NAV1: variants seen among roughly 807,000 people sequenced by gnomAD.
NAV1 encodes neuron navigator 1.
NAV1 carries 18 observed loss-of-function variants against 175.2 expected under a neutral mutation model. That is an observed-to-expected ratio of 0.10 (90% CI 0.07 to 0.15). NAV1 has a LOEUF of 0.15. Among genes scored for constraint, NAV1 ranks in the 10% least tolerant of loss-of-function variants. The pLI, the probability that NAV1 is intolerant of heterozygous loss-of-function variation, is 1.00. For missense variants in NAV1, 1,731 were observed against 2,436.6 expected (o/e 0.71, Z 6.10); for synonymous variants, 897 against 978.7 (o/e 0.92, Z 1.56).
chr1:201,790,272 G>A (rs565263079), intron 11 of NAV1, among the ~76,000 whole-genome samples: 9 of 152,318 alleles, frequency 5.9e-5, no homozygotes, highest in Admixed American at 3.3e-4. Context: ...GGCAATAACC[G>A]TTAGTTCTCA....
At chr1:201,642,865 A>G (rs139959509) in intron 2 of NAV1, among the ~76,000 whole-genome samples, 4,583 of 148,886 alleles carry the variant, frequency 0.031, 224 homozygotes, top group African/African-American at 0.11. Context: ...CACCTCCCGG[A>G]TTCACGCCAT....
At chr1:201,739,882 G>C (rs1352657350) in intron 3 of NAV1, 3 of 1,284,830 alleles carry the variant, frequency 2.3e-6, no homozygotes, top group African/African-American at 1.5e-5. Context: ...AAAAGGGAGC[G>C]GAGGGCAGGC....
At chr1:201,572,174 G>A (rs570915154) in intron 1 of NAV1, among the ~76,000 whole-genome samples, 22 of 152,176 alleles carry the variant, frequency 1.4e-4, no homozygotes, top group Non-Finnish European at 2.1e-4. Context: ...ACTGGGCAGC[G>A]GGGTTTTTGG....
rs768317305 is a variant in NAV1 at position 201,808,889 on chromosome 1, G to A, written c.4207+18G>A. ...AGACACAGGTACCTGTGTGGGAGAAGAATCTATAAGGGTGAAGGGAAGAAA... is the reference window on the plus strand; with the variant it reads ...AGACACAGGTACCTGTGTGGGAGAAAAATCTATAAGGGTGAAGGGAAGAAA... On this transcript the variant is annotated intron_variant, in intron 20 of 29. Transcript: ENST00000367296. This position sits in a 1 kb window ranked among gnomAD's most constrained non-coding sequence, Gnocchi z 5.5. 1 of 1,604,654 alleles carries A rather than the reference G, an allele frequency of 6.2e-7. No individual in the cohort carries two copies. Among genetic ancestry groups the A allele is most frequent in the Non-Finnish European group, 8.5e-7 (1 of 1,174,720 alleles).
chr1:201,681,635 C>T (rs987745237), intron 1 of NAV1, among the ~76,000 whole-genome samples: 5 of 152,322 alleles, frequency 3.3e-5, no homozygotes, highest in African/African-American at 1.2e-4. Flanking sequence ...CTGGAAACAC[C>T]TACTTCCTCC....
At chr1:201,633,498 C>T (rs1030040838) in intron 2 of NAV1, among the ~76,000 whole-genome samples, 6 of 152,172 alleles carry the variant, frequency 3.9e-5, no homozygotes, top group African/African-American at 9.7e-5. Context: ...TCCCAACTGC[C>T]GCCAGTACTC....
chr1:201,823,974 C>CAAAAATTACCTAAATAGAA (rs1317730160), exon 30 of NAV1: 133 of 152,306 alleles, frequency 8.7e-4, no homozygotes, highest in African/African-American at 3.0e-3. Context: ...AGAAACCCTG[C>CAAAAATTACCTAAATAGAA]ATTTAGGTAA....
At chr1:201,658,684 T>C (rs1170411203) in intron 1 of NAV1, among the ~76,000 whole-genome samples, 1 of 152,150 alleles carries the variant, frequency 6.6e-6, no homozygotes, top group Non-Finnish European at 1.5e-5. Context: ...CCAATCAAAG[T>C]TCGTCCCCAA....
intron 1 of NAV1, among the ~76,000 whole-genome samples, chr1:201,658,952 G>A (rs554379528): frequency 6.6e-6 from 1 of 152,332 alleles, no homozygotes; most frequent in South Asian, 2.1e-4. Context: ...ATCTTCCTCT[G>A]TTCCTTTGGT....
chr1:201,540,738 G>C (rs559150440), intron 1 of NAV1, among the ~76,000 whole-genome samples: 41 of 152,346 alleles, frequency 2.7e-4, no homozygotes, highest in African/African-American at 9.9e-4. Flanking sequence ...CTTCCTAGTA[G>C]TATGTGCTTT....
At chr1:201,568,220 A>T (rs1406955603) in intron 1 of NAV1, among the ~76,000 whole-genome samples, 1 of 152,152 alleles carries the variant, frequency 6.6e-6, no homozygotes, top group Non-Finnish European at 1.5e-5. Context: ...GCATCAGAGC[A>T]AGCCCCTTGC....
chr1:201,559,757 G>A (rs938209759), intron 1 of NAV1, among the ~76,000 whole-genome samples: 30 of 152,342 alleles, frequency 2.0e-4, no homozygotes, highest in Admixed American at 1.4e-3. Flanking sequence ...AGGCGGTGTA[G>A]AGGGATTCTG....
intron 3 of NAV1, among the ~76,000 whole-genome samples, chr1:201,779,178 T>C (rs530895473): frequency 2.0e-5 from 3 of 152,200 alleles, no homozygotes; most frequent in African/African-American, 7.2e-5. Context: ...AAACAATGCA[T>C]GTGATCGAAA....
intron 2 of NAV1, among the ~76,000 whole-genome samples, chr1:201,636,036 G>C (rs986701914): frequency 7.2e-5 from 11 of 152,214 alleles, no homozygotes; most frequent in Non-Finnish European, 1.2e-4. Flanking sequence ...TACTTCTCTG[G>C]CCAATCCAGG....
intron 1 of NAV1, among the ~76,000 whole-genome samples, chr1:201,548,228 T>A (rs1431420283): frequency 6.6e-6 from 1 of 152,234 alleles, no homozygotes; most frequent in African/African-American, 2.4e-5. Flanking sequence ...ATAGTCTTTA[T>A]GCAGAGCTCA....
chr1:201,706,266 T>C (rs1313833958), intron 1 of NAV1, among the ~76,000 whole-genome samples: 2 of 151,818 alleles, frequency 1.3e-5, no homozygotes, highest in Non-Finnish European at 2.9e-5. Context: ...TGTGTGTGTG[T>C]GTGTGTGTGT....
chr1:201,563,302 C>T (rs1030068534), intron 1 of NAV1, among the ~76,000 whole-genome samples: 8 of 152,008 alleles, frequency 5.3e-5, no homozygotes, highest in Non-Finnish European at 7.4e-5. Context: ...GCCTGGATGG[C>T]AGAGGGGGCG....
chr1:201,766,829 G>GT (rs1185239838), intron 3 of NAV1, among the ~76,000 whole-genome samples: 2 of 151,728 alleles, frequency 1.3e-5, no homozygotes, highest in South Asian at 2.1e-4. Context: ...TGTTTTTTTG[G>GT]TTTTTTGTGT....
At chr1:201,703,831 A>G (rs1671548555) in intron 1 of NAV1, among the ~76,000 whole-genome samples, 1 of 152,094 alleles carries the variant, frequency 6.6e-6, no homozygotes, top group South Asian at 2.1e-4. Flanking sequence ...CTCCCCAGAA[A>G]GGGTCAGCCT....
Sources: allele counts gnomAD v4.1 joint callset (sites outside exome capture counted in the v4.1 genomes callset), GRCh38; gene constraint gnomAD v4.1.1; non-coding constraint Gnocchi (gnomAD v3.1); transcripts MANE v1.5; gene names NCBI Gene and HGNC (gene_info 2026-07-23, HGNC 2026-07-21).